Variants in MSI2 observed in about 807,000 individuals in gnomAD.
MSI2 encodes the protein RNA-binding protein Musashi homolog 2.
MSI2 carries 17 observed loss-of-function variants against 45.6 expected under a neutral mutation model. That is an observed-to-expected ratio of 0.37 (90% confidence interval 0.26 to 0.56). MSI2 has a LOEUF of 0.56. Ranked by LOEUF, MSI2 falls within the 20% of genes least tolerant of loss-of-function variation. MSI2 has a pLI of 0.77. For missense variants in MSI2, 293 were observed against 444.2 expected, an observed-to-expected ratio of 0.66 and a Z score of 3.06; for synonymous variants, 156 against 158.2, an observed-to-expected ratio of 0.99 and a Z score of 0.11.
intron 6 of MSI2, among the ~76,000 whole-genome samples, chr17:57,413,352 G>A (rs561301815): frequency 3.3e-5 from 5 of 149,930 alleles, no homozygotes; most frequent in South Asian, 2.1e-4. Flanking sequence ...GATGTACCTC[G>A]AGTTCCATCC....
chr17:57,587,979 G>A (rs976544270), intron 7 of MSI2, among the ~76,000 whole-genome samples: 2 of 152,152 alleles, frequency 1.3e-5, no homozygotes, highest in Non-Finnish European at 2.9e-5. Flanking sequence ...TGGTGTAAAC[G>A]AGGAAGCAGG....
chr17:57,409,232 C>T (rs1205256401), intron 6 of MSI2, among the ~76,000 whole-genome samples: 1 of 152,216 alleles, frequency 6.6e-6, no homozygotes, highest in African/African-American at 2.4e-5. Context: ...TCATGAGGCA[C>T]ACGGCTGATA....
chr17:57,371,550 TAC>T (rs72265561), intron 5 of MSI2, among the ~76,000 whole-genome samples: 8,797 of 143,322 alleles, frequency 0.061, 786 homozygotes, highest in African/African-American at 0.2. Flanking sequence ...GACACAGGTA[TAC>T]ACACACACAC....
intron 10 of MSI2, among the ~76,000 whole-genome samples, chr17:57,636,347 A>T (rs1007051593): frequency 6.6e-6 from 1 of 152,148 alleles, no homozygotes; most frequent in Non-Finnish European, 1.5e-5. Context: ...TTTGCAAAAC[A>T]TTCAAAAATG....
chr17:57,658,853 T>C (rs1031901499), intron 11 of MSI2, among the ~76,000 whole-genome samples: 2 of 152,232 alleles, frequency 1.3e-5, no homozygotes, highest in African/African-American at 4.8e-5. Flanking sequence ...GTGGTGTCCT[T>C]CATAGCTCCA....
intron 6 of MSI2, among the ~76,000 whole-genome samples, chr17:57,467,837 C>T (rs978335747): frequency 2.1e-5 from 3 of 146,092 alleles, no homozygotes; most frequent in Admixed American, 6.8e-5. Flanking sequence ...TAGGGTTGCA[C>T]GTATATGGCC....
chr17:57,416,707 A>G (rs2084300971), intron 6 of MSI2, among the ~76,000 whole-genome samples: 1 of 152,144 alleles, frequency 6.6e-6, no homozygotes, highest in Non-Finnish European at 1.5e-5. Context: ...TCTGCCTCAC[A>G]GCCTACACTC....
intron 5 of MSI2, among the ~76,000 whole-genome samples, chr17:57,298,814 C>T (rs944701980): frequency 5.9e-5 from 9 of 152,224 alleles, no homozygotes; most frequent in African/African-American, 1.9e-4. Context: ...GTATTAGCCC[C>T]TAACAAGACA....
chr17:57,297,733 C>G (rs1296096778), intron 5 of MSI2, among the ~76,000 whole-genome samples: 1 of 152,236 alleles, frequency 6.6e-6, no homozygotes, highest in South Asian at 2.1e-4. Flanking sequence ...AACCCTGCAG[C>G]TGCTTTTTCA....
intron 6 of MSI2, among the ~76,000 whole-genome samples, chr17:57,408,320 G>A (rs1415295912): frequency 6.6e-6 from 1 of 152,206 alleles, no homozygotes; most frequent in East Asian, 1.9e-4. Context: ...CGTTAACAGT[G>A]TTTTAAAATA....
intron 6 of MSI2, among the ~76,000 whole-genome samples, chr17:57,465,945 T>G (rs960736043): frequency 6.6e-6 from 1 of 152,244 alleles, no homozygotes; most frequent in Non-Finnish European, 1.5e-5. Context: ...GGCTTTGGAA[T>G]CATAAGGTTG....
At chr17:57,309,664 C>A (rs1024740524) in intron 5 of MSI2, among the ~76,000 whole-genome samples, 2 of 152,156 alleles carry the variant, frequency 1.3e-5, no homozygotes, top group African/African-American at 2.4e-5. Context: ...AGGGGAATTC[C>A]TTCTCAGGAA....
downstream of MSI2, chr17:57,684,832 G>C (rs554311436): frequency 6.6e-6 from 1 of 152,220 alleles, no homozygotes; most frequent in African/African-American, 2.4e-5. Context: ...CTCCAGCAGC[G>C]AAGAAGTCCC....
chr17:57,592,115 T>A (rs1598430082), intron 7 of MSI2, among the ~76,000 whole-genome samples: 1 of 149,518 alleles, frequency 6.7e-6, no homozygotes, highest in East Asian at 2.0e-4. Context: ...GAGGTTGCAG[T>A]GAGCCGAGAT....
At chr17:57,527,240 C>T (rs2086720363) in intron 6 of MSI2, among the ~76,000 whole-genome samples, 1 of 137,710 alleles carries the variant, frequency 7.3e-6, no homozygotes, top group Non-Finnish European at 1.5e-5. Flanking sequence ...CATTTACCTG[C>T]GTGATACCTG....
chr17:57,535,825 C>T (rs1369859465), intron 7 of MSI2, among the ~76,000 whole-genome samples: 3 of 152,204 alleles, frequency 2.0e-5, no homozygotes, highest in Non-Finnish European at 4.4e-5. Context: ...CAGTCTCTGT[C>T]CCGAAAAGCA....
rs938117833 is a variant in MSI2 at position 57,517,970 on chromosome 17, ACT to A, written c.406-11703_406-11702del. Among the ~76,000 whole-genome samples, 4 of 152,072 alleles carry A rather than the reference ACT, an allele frequency of 2.6e-5. No individual in the cohort carries two copies. In the East Asian group the frequency reaches 7.7e-4, roughly 29 times the overall value. The stretch of plus-strand genomic sequence containing the variant: ...TTTTTTCATCTGTGCTCTGCAACCA[ACT>A]CTGCGTGTTTGTCAGACAAAAGAGC... On this transcript the variant is annotated intron_variant, in intron 6 of 13. Transcript: ENST00000284073.
Position 57,515,094 on chromosome 17 carries a change from A to C in MSI2, c.406-14582A>C, listed in dbSNP as rs73312809. On this transcript the variant is annotated intron_variant, in intron 6 of 13. Transcript: ENST00000284073. Reference sequence around the variant, plus strand: ...AGTAGTTTGGTGTATGAAAGATCTCAAAACATTTAAGGTCTGTGTTTCAAA... The same window carrying C: ...AGTAGTTTGGTGTATGAAAGATCTCCAAACATTTAAGGTCTGTGTTTCAAA... 5.8e-3 allele frequency among the ~76,000 whole-genome samples: 882 copies of C among 152,380 alleles called. 6 individuals carry two copies. The highest frequency in any genetic ancestry group is 0.02 in the African/African-American group (842 of 41,586).
At chr17:57,278,471 AT>A (rs976000419) in intron 5 of MSI2, 1 of 152,314 alleles carries the variant, frequency 6.6e-6, no homozygotes, top group African/African-American at 2.4e-5. Flanking sequence ...GGAGACCCAC[AT>A]TAGGTTTTGG....
Sources: gnomAD v4.1 joint callset for allele counts (sites outside exome capture counted in the v4.1 genomes callset) on GRCh38, gnomAD v4.1.1 for gene constraint, MANE v1.5 for transcripts, NCBI Gene and HGNC (gene_info 2026-07-23, HGNC 2026-07-21) for gene names.